The following TAOK1 variants were observed in gnomAD, a reference collection of about 807,000 sequenced individuals.
TAOK1 encodes serine/threonine-protein kinase TAO1.
Under a neutral mutation model 138.3 loss-of-function variants are expected in TAOK1, and 21 were observed. The observed-to-expected ratio is 0.15, with a 90% confidence interval of 0.11 to 0.22. The LOEUF is 0.22. TAOK1 is among the 10% of genes least tolerant of loss of function. The probability of loss-of-function intolerance (pLI) is 1.00; values close to 1 mark genes in which losing one functional copy is unlikely to be tolerated. For missense variants in TAOK1, 651 were observed against 1,227.7 expected (o/e 0.53, Z 7.02); for synonymous variants, 361 against 398.4 (o/e 0.91, Z 1.12).
At chr17:29,414,288 G>T (rs1165276643) in intron 1 of TAOK1, among the ~76,000 whole-genome samples, 1 of 151,880 alleles carries the variant, frequency 6.6e-6, no homozygotes, top group Admixed American at 6.6e-5. Context: ...TTGCTCGGTC[G>T]CCTAGGCTGG....
At chr17:29,531,286 A>T (rs1225322325) in intron 18 of TAOK1, among the ~76,000 whole-genome samples, 1 of 150,246 alleles carries the variant, frequency 6.7e-6, no homozygotes, top group Non-Finnish European at 1.5e-5. Flanking sequence ...TTATTTATTT[A>T]TTTATTTTTT....
chr17:29,455,629 A>G (rs1434916736), intron 2 of TAOK1, among the ~76,000 whole-genome samples: 1 of 150,332 alleles, frequency 6.7e-6, no homozygotes, highest in South Asian at 2.1e-4. Flanking sequence ...ACCCTTTATC[A>G]TGTTGAAGAA....
chr17:29,478,953 C>T (rs979688141), intron 6 of TAOK1, among the ~76,000 whole-genome samples: 2 of 152,060 alleles, frequency 1.3e-5, no homozygotes, highest in African/African-American at 4.8e-5. Context: ...GGTAAAACCT[C>T]GTCTCCACTG....
At chr17:29,429,572 G>A (rs536123054) in intron 1 of TAOK1, among the ~76,000 whole-genome samples, 3 of 152,122 alleles carry the variant, frequency 2.0e-5, no homozygotes, top group Admixed American at 6.6e-5. Context: ...CACCATGCCC[G>A]GCCTTTCCTC....
intron 1 of TAOK1, among the ~76,000 whole-genome samples, chr17:29,399,159 A>AT (rs1904759317): frequency 6.7e-6 from 1 of 150,298 alleles, no homozygotes; most frequent in Non-Finnish European, 1.5e-5. Context: ...TAATTTTTGT[A>AT]TTTTTTGTGG....
intron 1 of TAOK1, chr17:29,424,886 A>C (rs1905584816): frequency 6.6e-6 from 1 of 152,148 alleles, no homozygotes; most frequent in Non-Finnish European, 1.5e-5. Context: ...TTCTTTTGGA[A>C]TATTTTAACA....
At position 29,516,813 on chromosome 17, in the gene TAOK1, G is replaced by T. The variant is rs567910657; in HGVS notation, c.1705-640G>T. The stretch of plus-strand genomic sequence containing the variant: ...ATTGCACCCGACCCCTGTTTTTTTT[G>T]TTGTTGTTGTTGTTGGTTTTTTTGT... On this transcript the variant is annotated intron_variant, in intron 15 of 19. Transcript: ENST00000261716. Among the ~76,000 whole-genome samples, 680 of 151,248 alleles carry T rather than the reference G, an allele frequency of 4.5e-3. 6 individuals carry two copies. The highest frequency in any genetic ancestry group is 0.014 in the African/African-American group (578 of 41,226).
At chr17:29,485,109 A>G (rs1187195976) in intron 8 of TAOK1, among the ~76,000 whole-genome samples, 3 of 152,192 alleles carry the variant, frequency 2.0e-5, no homozygotes, top group Non-Finnish European at 4.4e-5. Context: ...GGTTGAAATT[A>G]CTTGGTTATG....
chr17:29,503,991 A>G (rs1006933868), intron 13 of TAOK1, among the ~76,000 whole-genome samples: 1 of 151,796 alleles, frequency 6.6e-6, no homozygotes, highest in African/African-American at 2.4e-5. Flanking sequence ...TGTGCCTGTA[A>G]TCCCAGGTAC....
intron 10 of TAOK1, among the ~76,000 whole-genome samples, chr17:29,492,692 T>A (rs1360290492): frequency 2.0e-5 from 3 of 152,210 alleles, no homozygotes; most frequent in Non-Finnish European, 4.4e-5. Flanking sequence ...CTCGGGAGGC[T>A]GAGGCAGGAG....
At position 29,544,209 on chromosome 17, in the gene TAOK1, G is replaced by A. The variant is rs1378103292; in HGVS notation, c.*1187G>A. On this transcript the variant is annotated 3_prime_UTR_variant, in exon 20 of 20. Transcript: ENST00000261716. ...AAGTAGAATAGCCAATTATTTAAATGTTTAGTTGCCACAGTGAACCAGGAG... is the reference window on the plus strand; with the variant it reads ...AAGTAGAATAGCCAATTATTTAAATATTTAGTTGCCACAGTGAACCAGGAG... 1 of 152,608 alleles carries A rather than the reference G, an allele frequency of 6.6e-6. No homozygotes were observed. The highest frequency in any genetic ancestry group is 6.5e-5 in the Admixed American group (1 of 15,274). The allele number at this position is 152,608 out of a possible 1,614,324, so 9.5% of individuals were successfully genotyped here.
intron 1 of TAOK1, among the ~76,000 whole-genome samples, chr17:29,398,117 C>G (rs1197399461): frequency 6.6e-6 from 1 of 152,144 alleles, no homozygotes; most frequent in African/African-American, 2.4e-5. Flanking sequence ...AGTCCTCCCT[C>G]CTCAGCATCC....
chr17:29,495,000 TG>T (rs1196407062), intron 10 of TAOK1, among the ~76,000 whole-genome samples: 1 of 152,184 alleles, frequency 6.6e-6, no homozygotes, highest in East Asian at 1.9e-4. Flanking sequence ...ATGGTGGAAT[TG>T]TTTTTTTCTA....
intron 3 of TAOK1, among the ~76,000 whole-genome samples, chr17:29,470,628 A>G (rs1037608621): frequency 1.1e-4 from 17 of 152,210 alleles, no homozygotes; most frequent in African/African-American, 2.9e-4. Context: ...TAAAATTTTA[A>G]TGAGTCATTA....
In TAOK1 at chr17:29,465,837, C is replaced by CTTTTTTTTTTTTTTTTTTTT. The variant is rs3058623; in HGVS notation, c.133-1300_133-1281dup. ...AAGAGTTAACTGTCAAGTTTCTGTG[C>CTTTTTTTTTTTTTTTTTTTT]TTTTTTTTTTTTTTTTTTTTTTTTT... On this transcript the variant is annotated intron_variant, in intron 2 of 19. Transcript: ENST00000261716. 1.5e-3 allele frequency among the ~76,000 whole-genome samples: 68 copies of CTTTTTTTTTTTTTTTTTTTT among 45,446 alleles called. 29 individuals are homozygous for CTTTTTTTTTTTTTTTTTTTT. The highest frequency in any genetic ancestry group is 4.0e-3 in the African/African-American group (35 of 8,720). The allele number at this position is 45,446 out of a possible 152,430, so 29.8% of individuals were successfully genotyped here. A position where few individuals can be genotyped will look rare whatever the true frequency, so the allele number is the denominator to read the frequency against.
At chr17:29,398,510 TTCTTTTCTTTTCTTTTC>T (rs1904732690) in intron 1 of TAOK1, among the ~76,000 whole-genome samples, 1 of 149,248 alleles carries the variant, frequency 6.7e-6, no homozygotes, top group Non-Finnish European at 1.5e-5. Context: ...CAGGCTTCTT[TTCTTTTCTTTTCTTTTC>T]TCTTTTCTTT....
chr17:29,514,287 G>T (rs895894010), intron 15 of TAOK1: 5 of 152,124 alleles, frequency 3.3e-5, no homozygotes, highest in Non-Finnish European at 7.3e-5. Context: ...CATGAATGAG[G>T]TCTAGTAGTC....
At chr17:29,484,430 A>G (rs1312410970) in intron 8 of TAOK1, among the ~76,000 whole-genome samples, 2 of 152,176 alleles carry the variant, frequency 1.3e-5, no homozygotes, top group East Asian at 3.8e-4. Flanking sequence ...GGCCAGGAAA[A>G]CTTTCTGCAG....
At chr17:29,537,751 GA>G (rs998670330) in intron 19 of TAOK1, among the ~76,000 whole-genome samples, 22 of 149,296 alleles carry the variant, frequency 1.5e-4, no homozygotes, top group African/African-American at 3.2e-4. Context: ...CAAATTACAG[GA>G]AAAAAAAACT....
Sources: gnomAD v4.1 joint callset for allele counts (sites outside exome capture counted in the v4.1 genomes callset) on GRCh38, gnomAD v4.1.1 for gene constraint, MANE v1.5 for transcripts, NCBI Gene and HGNC (gene_info 2026-07-23, HGNC 2026-07-21) for gene names.